The following TNS1 variants were observed in gnomAD, a reference collection of about 807,000 sequenced individuals.
The protein encoded by TNS1 is tensin 1.
A neutral mutation model predicts 168.6 loss-of-function variants in TNS1; 62 were observed. The observed-to-expected ratio is 0.37, with a 90% confidence interval of 0.30 to 0.45. TNS1 has a LOEUF of 0.45. Among genes scored for constraint, TNS1 ranks in the 20% least tolerant of loss-of-function variants. TNS1 has a pLI of 1.00. For synonymous variants in TNS1, 934 were observed against 933.2 expected (o/e 1.00, Z -0.02); for missense variants, 2,240 against 2,339.4 (o/e 0.96, Z 0.88).
chr2:217,978,786 A>C lies in TNS1; in HGVS notation c.165T>G (p.Cys55Trp), dbSNP rs1406482897. 1.4e-6 allele frequency: 1 copy of C among 702,272 alleles called. No individual in the cohort carries two copies. Among genetic ancestry groups the C allele is most frequent in the Admixed American group, 2.0e-5 (1 of 49,990 alleles). 43.5% of individuals were successfully genotyped at this position (702,272 alleles called of 1,614,324 possible). A position where few individuals can be genotyped will look rare whatever the true frequency, so the allele number is the denominator to read the frequency against. The change falls in exon 3 of 33, where the codon TGT becomes TGG. Residue 55 changes from cysteine (C) to tryptophan (W), a missense_variant. Coordinates refer to ENST00000682258, the MANE Select transcript of TNS1 (RefSeq NM_001387777.1). ...GCTCKVCSFS[C>W]HRKCQAKVAA... ...TTACCTTGGCCTGGCATTTCCGATGACAGGAGAAGCTGCAGACTGCAAGAG... is the reference window on the plus strand; with the variant it reads ...TTACCTTGGCCTGGCATTTCCGATGCCAGGAGAAGCTGCAGACTGCAAGAG...
intron 21 of TNS1, among the ~76,000 whole-genome samples, chr2:217,832,164 C>A (rs1201412182): frequency 6.6e-6 from 1 of 152,188 alleles, no homozygotes; most frequent in Non-Finnish European, 1.5e-5. Flanking sequence ...GAGGAGAGAA[C>A]TTCTCAATGT....
intron 18 of TNS1, among the ~76,000 whole-genome samples, chr2:217,854,636 G>A (rs958472040): frequency 3.3e-5 from 5 of 152,232 alleles, no homozygotes; most frequent in South Asian, 2.1e-4. Flanking sequence ...CCAAGGCCAC[G>A]TGCATCTGAG....
chr2:218,011,699 G>A (rs11888293), upstream of TNS1, among the ~76,000 whole-genome samples: 11,618 of 151,290 alleles, frequency 0.077, 1,223 homozygotes, highest in African/African-American at 0.23. Context: ...CCTGCCCCCC[G>A]CGACAGATTC....
intron 3 of TNS1, among the ~76,000 whole-genome samples, chr2:217,965,239 T>C (rs1328614388): frequency 6.6e-6 from 1 of 152,200 alleles, no homozygotes; most frequent in Non-Finnish European, 1.5e-5. Context: ...GAGTTATCTA[T>C]TGAGCAAAAG....
chr2:217,886,156 A>C (rs772874087), intron 13 of TNS1, 52 bp from the exon 14 acceptor site: 2 of 1,587,214 alleles, frequency 1.3e-6, no homozygotes, highest in Admixed American at 3.3e-5. Context: ...GGCAGGCAGG[A>C]GGGGCAGAGG....
At chr2:217,823,704 C>A (rs1943212433) in intron 22 of TNS1, among the ~76,000 whole-genome samples, 1 of 152,224 alleles carries the variant, frequency 6.6e-6, no homozygotes, top group Non-Finnish European at 1.5e-5. Flanking sequence ...CATACAGAAC[C>A]CCCTCCACCC....
rs900105928 is a variant in TNS1 at position 217,841,117 on chromosome 2, TGAA to T, written c.3008-4909_3008-4907del. The stretch of plus-strand genomic sequence containing the variant: ...GGAAAGATTTGGAAGGAATAGCACA[TGAA>T]GAAGGAGTGAAAAGAAACTGATGCT... On this transcript the variant is annotated intron_variant, in intron 19 of 32. Transcript: ENST00000682258. 2.9e-5 allele frequency: 17 copies of T among 584,258 alleles called. No homozygotes were observed. The Admixed American group carries it at 4.5e-4, about 15-fold the overall frequency. The allele number at this position is 584,258 out of a possible 1,614,324, so 36.2% of individuals were successfully genotyped here.
intron 3 of TNS1, among the ~76,000 whole-genome samples, chr2:217,950,780 C>A (rs1031477878): frequency 1.3e-5 from 2 of 151,596 alleles, no homozygotes; most frequent in African/African-American, 4.9e-5. Context: ...GTCACCCGCA[C>A]GGCCCTCTTC....
intron 3 of TNS1, among the ~76,000 whole-genome samples, chr2:217,925,466 C>T (rs2125880621): frequency 6.6e-6 from 1 of 152,238 alleles, no homozygotes; most frequent in Middle Eastern, 3.4e-3. Flanking sequence ...CCCAGCCCTC[C>T]AAAGGGGCTC....
intron 21 of TNS1, among the ~76,000 whole-genome samples, chr2:217,832,842 C>G (rs1194415503): frequency 6.6e-6 from 1 of 152,086 alleles, no homozygotes; most frequent in Non-Finnish European, 1.5e-5. Flanking sequence ...GCATAGGGGA[C>G]AAATGGGTAC....
intron 1 of TNS1, chr2:217,992,406 C>T (rs1958390986): frequency 6.6e-6 from 1 of 152,264 alleles, no homozygotes; most frequent in Non-Finnish European, 1.5e-5. Context: ...GCTCCAGAGC[C>T]CCCTGGGTCT....
intron 12 of TNS1, among the ~76,000 whole-genome samples, chr2:217,886,855 C>A (rs1191960770): frequency 6.6e-6 from 1 of 152,128 alleles, no homozygotes; most frequent in Admixed American, 6.5e-5. Flanking sequence ...AGCAGGTATA[C>A]CAGACCTAGA....
At chr2:217,837,339 GC>G (rs375458753) in intron 19 of TNS1, among the ~76,000 whole-genome samples, 135 of 152,204 alleles carry the variant, frequency 8.9e-4, no homozygotes, top group Middle Eastern at 3.4e-3. Context: ...CCCCAGCCAC[GC>G]CCCCCAGCAC....
intron 3 of TNS1, among the ~76,000 whole-genome samples, chr2:217,933,345 G>A (rs1431475439): frequency 6.6e-6 from 1 of 152,136 alleles, no homozygotes; most frequent in East Asian, 1.9e-4. Context: ...AAGACCCGGT[G>A]ACCCAGACAC....
intron 3 of TNS1, among the ~76,000 whole-genome samples, chr2:217,965,184 G>A (rs939648372): frequency 1.3e-5 from 2 of 152,300 alleles, no homozygotes; most frequent in East Asian, 3.9e-4. Flanking sequence ...TATTTCTGGG[G>A]CACTTAGCTC....
intron 6 of TNS1, 166 bp from the exon 7 acceptor site, chr2:217,900,678 A>G (rs1216486202): frequency 9.6e-6 from 7 of 726,118 alleles, no homozygotes; most frequent in Middle Eastern, 3.2e-4. Flanking sequence ...CCCGAAGCCA[A>G]AGCCATCAAC....
At chr2:217,850,964 G>A (rs920844980) in intron 18 of TNS1, among the ~76,000 whole-genome samples, 4 of 152,202 alleles carry the variant, frequency 2.6e-5, no homozygotes, top group Non-Finnish European at 5.9e-5. Context: ...GAGCCAGACA[G>A]TATTACACCC....
intron 16 of TNS1, 56 bp from the exon 17 acceptor site, chr2:217,882,467 TAA>T: frequency 1.6e-6 from 2 of 1,279,510 alleles, no homozygotes; most frequent in Admixed American, 4.4e-5. Context: ...AAGGATTCCA[TAA>T]AAAGTTTTCT....
intron 4 of TNS1, among the ~76,000 whole-genome samples, chr2:217,917,870 C>G (rs554097144): frequency 6.8e-6 from 1 of 146,194 alleles, no homozygotes; most frequent in African/African-American, 2.5e-5. Flanking sequence ...GGGGGAAAAG[C>G]CTTGTGGGTA....
Sources: allele counts gnomAD v4.1 joint callset (sites outside exome capture counted in the v4.1 genomes callset), GRCh38; gene constraint gnomAD v4.1.1; transcripts MANE v1.5; gene names NCBI Gene and HGNC (gene_info 2026-07-23, HGNC 2026-07-21).